The following KCNIP3 variants were observed in gnomAD, a reference collection of about 807,000 sequenced individuals.
KCNIP3 encodes the protein calsenilin.
In KCNIP3, 28 loss-of-function variants were observed where a neutral mutation model predicts 35.0. That is an observed-to-expected ratio of 0.80 (90% CI 0.59 to 1.10). The LOEUF is 1.10. Ranked by LOEUF, KCNIP3 falls within the 50% of genes least tolerant of loss-of-function variation. The pLI is 0.00. For synonymous variants in KCNIP3, 134 were observed against 133.8 expected, an observed-to-expected ratio of 1.00 and a Z score of -0.01; for missense variants, 295 against 338.4, an observed-to-expected ratio of 0.87 and a Z score of 1.01.
chr2:95,339,281 T>C (rs894233458), intron 2 of KCNIP3, among the ~76,000 whole-genome samples: 2 of 152,218 alleles, frequency 1.3e-5, no homozygotes, highest in African/African-American at 2.4e-5. Flanking sequence ...ATCATCATGC[T>C]TGTGGTAATT....
At position 95,381,703 on chromosome 2, in the gene KCNIP3, G is replaced by T. The variant is rs1355518931; in HGVS notation, c.555G>T (p.Glu185Asp). 6.2e-7 allele frequency: 1 copy of T among 1,602,242 alleles called. No homozygotes were observed. The highest frequency in any genetic ancestry group is 1.7e-5 in the Admixed American group (1 of 60,002). Reference sequence around the variant, plus strand: ...ACAAGGATGGCTACATCACCAAAGAGGTAGTAGGGGGCTGGGGGCAGGGAT... The same window carrying T: ...ACAAGGATGGCTACATCACCAAAGATGTAGTAGGGGGCTGGGGGCAGGGAT... ...DINKDGYITK[E>D]EMLAIMKSIY... The change falls in exon 6 of 9, where the codon GAG (glutamate) becomes GAT (aspartate). Residue 185 changes from glutamate (E) to aspartate (D), a missense_variant and splice_region_variant. Glu to Asp is a conservative substitution (Grantham distance 45). Transcript: ENST00000295225.
chr2:95,356,624 G>A (rs912206884), intron 2 of KCNIP3, among the ~76,000 whole-genome samples: 1 of 152,088 alleles, frequency 6.6e-6, no homozygotes, highest in African/African-American at 2.4e-5. Flanking sequence ...CCCATTTCTT[G>A]TTTTTGTCAG....
chr2:95,310,606 C>G, intron 2 of KCNIP3, 86 bp downstream of exon 2: 1 of 1,459,312 alleles, frequency 6.9e-7, no homozygotes, highest in Non-Finnish European at 9.6e-7. Context: ...CAAAGGCCAG[C>G]CTGGGACCCC....
intron 2 of KCNIP3, among the ~76,000 whole-genome samples, chr2:95,325,659 A>T (rs1203050687): frequency 6.7e-6 from 1 of 149,024 alleles, no homozygotes; most frequent in African/African-American, 2.5e-5. Flanking sequence ...ACAAATAGAT[A>T]CACACTCATA....
intron 1 of KCNIP3, among the ~76,000 whole-genome samples, chr2:95,306,979 GCCCAGGCCGCAGCCTGATGAGT>G (rs1678193807): frequency 6.6e-6 from 1 of 152,222 alleles, no homozygotes; most frequent in Non-Finnish European, 1.5e-5. Flanking sequence ...CAGCCTGAGG[GCCCAGGCCGCAGCCTGATGAGT>G]CCCAGCTTCC....
intron 2 of KCNIP3, among the ~76,000 whole-genome samples, chr2:95,348,085 TC>T (rs981837647): frequency 2.0e-5 from 3 of 152,182 alleles, no homozygotes; most frequent in African/African-American, 4.8e-5. Context: ...CTGGCCCTTT[TC>T]CCAAAGTCCA....
At chr2:95,365,833 A>T (rs1679904053) in intron 2 of KCNIP3, among the ~76,000 whole-genome samples, 1 of 151,938 alleles carries the variant, frequency 6.6e-6, no homozygotes, top group South Asian at 2.1e-4. Context: ...CCCATAGCTA[A>T]GTATTCTCAT....
intron 2 of KCNIP3, among the ~76,000 whole-genome samples, chr2:95,325,473 C>T (rs531141609): frequency 6.6e-6 from 1 of 152,254 alleles, no homozygotes; most frequent in African/African-American, 2.4e-5. Context: ...GGGTCCTGGC[C>T]AGGCAGGAGG....
Position 95,385,994 on chromosome 2 carries a change from C to T in KCNIP3, c.*1945C>T, listed in dbSNP as rs371747275. The T allele has an allele frequency of 6.6e-6, 1 of 152,340 alleles. No individual in the cohort carries two copies. Among genetic ancestry groups the T allele is most frequent in the East Asian group, 1.9e-4 (1 of 5,192 alleles). The allele number at this position is 152,340 out of a possible 1,614,324, so 9.4% of individuals were successfully genotyped here. ...GCATGGCAGAAGCGTCTCCCTTGGC[C>T]ACGGCCTGGGAGGGTGGTTCCTGTT... On this transcript the variant is annotated 3_prime_UTR_variant, in exon 9 of 9. Transcript: ENST00000295225.
At chr2:95,308,319 G>C (rs890876684) in intron 1 of KCNIP3, among the ~76,000 whole-genome samples, 2 of 152,212 alleles carry the variant, frequency 1.3e-5, no homozygotes, top group African/African-American at 4.8e-5. Context: ...GACGTGCAGG[G>C]GTTGTTGCCA....
intron 5 of KCNIP3, among the ~76,000 whole-genome samples, chr2:95,380,257 G>A (rs1680304426): frequency 1.3e-5 from 2 of 151,860 alleles, no homozygotes; most frequent in Non-Finnish European, 2.9e-5. Context: ...TCTTATTTTA[G>A]TGATGGAAGA....
At chr2:95,302,151 G>A (rs1678050682) in intron 1 of KCNIP3, among the ~76,000 whole-genome samples, 1 of 152,030 alleles carries the variant, frequency 6.6e-6, no homozygotes, top group East Asian at 1.9e-4. Context: ...AAGCAGTGCT[G>A]GGTGGGCCAG....
chr2:95,330,311 A>G (rs1310785478), intron 2 of KCNIP3, among the ~76,000 whole-genome samples: 1 of 152,132 alleles, frequency 6.6e-6, no homozygotes, highest in African/African-American at 2.4e-5. Context: ...GGTGAAGCCA[A>G]ATCAATATTT....
chr2:95,327,448 C>A (rs1249454896), intron 2 of KCNIP3, among the ~76,000 whole-genome samples: 2 of 152,172 alleles, frequency 1.3e-5, no homozygotes, highest in Admixed American at 6.5e-5. Flanking sequence ...CACACCCACA[C>A]ACGCACAGTC....
At chr2:95,340,325 A>G (rs1410468485) in intron 2 of KCNIP3, among the ~76,000 whole-genome samples, 1 of 141,800 alleles carries the variant, frequency 7.1e-6, no homozygotes, top group African/African-American at 2.7e-5. Flanking sequence ...AAAAAGGGTG[A>G]AACTCCATCT....
intron 2 of KCNIP3, among the ~76,000 whole-genome samples, chr2:95,358,993 A>T (rs567167990): frequency 8.6e-4 from 131 of 151,560 alleles, no homozygotes; most frequent in South Asian, 4.2e-3. Context: ...TTTTTTTTTT[A>T]AAAAAAGGTC....
chr2:95,373,062 A>G (rs12468777), intron 2 of KCNIP3, among the ~76,000 whole-genome samples: 26,422 of 152,146 alleles, frequency 0.17, 2,526 homozygotes, highest in East Asian at 0.29. Context: ...TGAAGAGCTC[A>G]CTGTGCAGTG....
At chr2:95,310,573 G>A in intron 2 of KCNIP3, 53 bp downstream of exon 2, 1 of 1,604,524 alleles carries the variant, frequency 6.2e-7, no homozygotes. Context: ...GATCTGTTCT[G>A]AGCACTGTCC....
At chr2:95,356,855 C>T (rs956511590) in intron 2 of KCNIP3, among the ~76,000 whole-genome samples, 8 of 152,128 alleles carry the variant, frequency 5.3e-5, no homozygotes, top group Non-Finnish European at 7.4e-5. Context: ...AGGCAACATT[C>T]CCCCACAGCT....
Sources: gnomAD v4.1 joint callset for allele counts (sites outside exome capture counted in the v4.1 genomes callset) on GRCh38, gnomAD v4.1.1 for gene constraint, MANE v1.5 for transcripts, NCBI Gene and HGNC (gene_info 2026-07-23, HGNC 2026-07-21) for gene names.